Variants in PAK4 observed in about 807,000 individuals in gnomAD.
PAK4 encodes p21 (RAC1) activated kinase 4.
PAK4 carries 49 observed loss-of-function variants against 53.5 expected under a neutral mutation model. The ratio of observed to expected loss-of-function variants is 0.92; its 90% CI spans 0.73 to 1.16. The LOEUF is 1.16. PAK4 is among the 50% of genes most tolerant of loss of function. PAK4 has a pLI of 0.00. For missense variants in PAK4, 824 were observed against 850.7 expected, an observed-to-expected ratio of 0.97 and a Z score of 0.39; for synonymous variants, 376 against 375.6, an observed-to-expected ratio of 1.00 and a Z score of -0.01.
At position 39,176,589 on chromosome 19, in the gene PAK4, G is replaced by C. The variant is rs1405428299; in HGVS notation, c.1360-1G>C. The C allele has an allele frequency of 6.2e-7, 1 of 1,613,770 alleles. No individual in the cohort carries two copies. The highest frequency in any genetic ancestry group is 1.1e-5 in the South Asian group (1 of 91,082). On this transcript the variant is annotated splice_acceptor_variant, in intron 6 of 8. Coordinates refer to ENST00000358301, the Ensembl canonical transcript of PAK4. LOFTEE classifies it high-confidence loss of function. ...ACCCCACTGCCTCTGCCCTGTCCCA[G>C]GTGAAGCTGTCAGACTTTGGGTTCT... is the stretch of plus-strand genomic sequence containing the variant.
In PAK4 at chr19:39,138,883, C is replaced by T. The variant is rs903781485; in HGVS notation, c.-23+12964C>T. Among the ~76,000 whole-genome samples the T allele has an allele frequency of 2.0e-5, 3 of 152,192 alleles. 1 individual carries two copies. Among genetic ancestry groups the T allele is most frequent in the African/African-American group, 2.4e-5 (1 of 41,458 alleles). On this transcript the variant is annotated intron_variant, in intron 1 of 8. Transcript: ENST00000358301. ...CTCCCCACAGCGTGGCAGGAAGGAG[C>T]CAGGACCCAGCCCTACTCTGGGGGG...
intron 1 of PAK4, among the ~76,000 whole-genome samples, chr19:39,153,643 T>G (rs1600352877): frequency 6.6e-6 from 1 of 152,180 alleles, no homozygotes; most frequent in Admixed American, 6.5e-5. Flanking sequence ...AGCTTCACCA[T>G]GTTGGTCAGG....
intron 4 of PAK4, among the ~76,000 whole-genome samples, chr19:39,174,725 G>A (rs558296197): frequency 7.2e-4 from 109 of 152,284 alleles, no homozygotes; most frequent in African/African-American, 2.5e-3. Flanking sequence ...TGTGCCCAGG[G>A]GGGCGCGCCC....
chr19:39,178,338 C>A lies in PAK4; in HGVS notation c.1621-86C>A, dbSNP rs554854544. 4.1e-6 allele frequency: 6 copies of A among 1,450,298 alleles called. No individual in the cohort carries two copies. The highest frequency in any genetic ancestry group is 4.7e-6 in the Non-Finnish European group (5 of 1,071,084). 89.8% of individuals were successfully genotyped at this position (1,450,298 alleles called of 1,614,324 possible). On this transcript the variant is annotated intron_variant, in intron 8 of 8. Transcript: ENST00000358301. The surrounding 1 kb of genome is among the most constrained non-coding windows in gnomAD (Gnocchi z 4.4). ...CTCCTGCACAGTACATGCCGCCAGC[C>A]GACTTGGCAGAGGCGGACACTGCAG... is the stretch of plus-strand genomic sequence containing the variant.
intron 1 of PAK4, among the ~76,000 whole-genome samples, chr19:39,143,266 C>A (rs184216652): frequency 7.2e-6 from 1 of 139,594 alleles, no homozygotes; most frequent in African/African-American, 2.7e-5. Context: ...ATTAAGGAGT[C>A]GTTGCTCACT....
At chr19:39,137,547 AG>A (rs2073838046) in intron 1 of PAK4, among the ~76,000 whole-genome samples, 1 of 148,714 alleles carries the variant, frequency 6.7e-6, no homozygotes, top group African/African-American at 2.5e-5. Flanking sequence ...TGCAAACTAG[AG>A]TAGATCTGGT....
intron 1 of PAK4, among the ~76,000 whole-genome samples, chr19:39,139,576 A>G (rs951065196): frequency 2.6e-5 from 4 of 152,118 alleles, no homozygotes; most frequent in Non-Finnish European, 2.9e-5. Context: ...TGATGGTCCT[A>G]AGTGGGGGAA....
At chr19:39,169,427 C>A in intron 1 of PAK4, 105 bp from the exon 3 acceptor site, 1 of 815,570 alleles carries the variant, frequency 1.2e-6, no homozygotes, top group East Asian at 2.6e-5. Context: ...GCTACTGCCT[C>A]CTGTTGGTCC....
At chr19:39,171,925 G>A (rs77451499) in intron 2 of PAK4, among the ~76,000 whole-genome samples, 2,644 of 152,332 alleles carry the variant, frequency 0.017, 61 homozygotes, top group African/African-American at 0.06. Context: ...AGCAGGACCC[G>A]AAGCAGACAG....
intron 7 of PAK4, among the ~76,000 whole-genome samples, chr19:39,177,212 T>C (rs188824935): frequency 6.7e-4 from 102 of 152,316 alleles, no homozygotes; most frequent in African/African-American, 2.2e-3. Context: ...GGCTTTCCCC[T>C]TGTGGGAGCA....
At chr19:39,165,651 G>T (rs377468382) in intron 1 of PAK4, among the ~76,000 whole-genome samples, 1 of 152,250 alleles carries the variant, frequency 6.6e-6, no homozygotes, top group East Asian at 1.9e-4. Context: ...ATACACAACC[G>T]CCCAGGTTCA....
chr19:39,170,385 G>A (rs2074456239), intron 2 of PAK4, among the ~76,000 whole-genome samples: 2 of 152,040 alleles, frequency 1.3e-5, no homozygotes, highest in South Asian at 4.1e-4. Context: ...CTGCCATCTA[G>A]AGCAAAATGG....
At chr19:39,155,202 G>A (rs973290612) in intron 1 of PAK4, among the ~76,000 whole-genome samples, 7 of 152,180 alleles carry the variant, frequency 4.6e-5, no homozygotes, top group African/African-American at 1.7e-4. Flanking sequence ...TACCAGACTG[G>A]AGTCCCTGGT....
intron 1 of PAK4, among the ~76,000 whole-genome samples, chr19:39,140,326 G>A (rs1038204798): frequency 2.6e-5 from 4 of 152,102 alleles, no homozygotes; most frequent in Non-Finnish European, 4.4e-5. Flanking sequence ...ATGTCACCAC[G>A]CTGGCCTCCC....
chr19:39,163,628 A>G (rs1370071541), intron 1 of PAK4, among the ~76,000 whole-genome samples: 2 of 152,208 alleles, frequency 1.3e-5, no homozygotes, highest in African/African-American at 4.8e-5. Flanking sequence ...AAAGAATTCA[A>G]AAGATTTTTT....
chr19:39,126,505 T>C (rs1447934228), intron 1 of PAK4, among the ~76,000 whole-genome samples: 1 of 126,570 alleles, frequency 7.9e-6, no homozygotes, highest in Admixed American at 8.7e-5. Flanking sequence ...GGGGGAACCC[T>C]CCCACAAATA....
At chr19:39,142,894 T>C (rs2145153278) in intron 1 of PAK4, among the ~76,000 whole-genome samples, 1 of 152,262 alleles carries the variant, frequency 6.6e-6, no homozygotes, top group South Asian at 2.1e-4. Flanking sequence ...CTTCCACTTC[T>C]GCATTTTAAC....
downstream of PAK4, chr19:39,180,449 T>A (rs2144905731): frequency 6.6e-6 from 1 of 151,644 alleles, no homozygotes; most frequent in South Asian, 2.1e-4. Flanking sequence ...AAATGAGATT[T>A]TTTTTTTTTT....
In PAK4 at chr19:39,171,208, GTT is replaced by G. The variant is rs34497285; in HGVS notation, c.204+1469_204+1470del. Among the ~76,000 whole-genome samples, 370 of 135,412 alleles carry G rather than the reference GTT, an allele frequency of 2.7e-3. 1 individual carries two copies. In the Middle Eastern group the frequency reaches 0.035, roughly 13 times the overall value. 88.8% of individuals were successfully genotyped at this position (135,412 alleles called of 152,430 possible). ...CCAGGACCTTCTCGACTCCCTGTTGGTTTTTTTTTTTTTTTTTTTGAGAGACA... is the reference window on the plus strand; with the variant it reads ...CCAGGACCTTCTCGACTCCCTGTTGGTTTTTTTTTTTTTTTTTGAGAGACA... On this transcript the variant is annotated intron_variant, in intron 2 of 8. Transcript: ENST00000358301.
Sources: gnomAD v4.1 joint callset for allele counts (sites outside exome capture counted in the v4.1 genomes callset) on GRCh38, gnomAD v4.1.1 for gene constraint, Gnocchi (gnomAD v3.1) non-coding constraint, MANE v1.5 for transcripts, NCBI Gene and HGNC (gene_info 2026-07-23, HGNC 2026-07-21) for gene names.